Variants in ANKFN1 observed in about 807,000 individuals in gnomAD.
The protein encoded by ANKFN1 is ankyrin repeat and fibronectin type-III domain-containing protein 1.
Under a neutral mutation model 108.7 loss-of-function variants are expected in ANKFN1, and 74 were observed. The ratio of observed to expected loss-of-function variants is 0.68; its 90% CI spans 0.56 to 0.83. The LOEUF is 0.83. Among genes scored for constraint, ANKFN1 ranks in the 40% least tolerant of loss-of-function variants. The pLI is 0.00. For missense variants in ANKFN1, 1,505 were observed against 1,382.3 expected, an observed-to-expected ratio of 1.09 and a Z score of -1.41; for synonymous variants, 547 against 516.2, an observed-to-expected ratio of 1.06 and a Z score of -0.81.
At chr17:56,201,437 A>G (rs965104210) in intron 1 of ANKFN1, among the ~76,000 whole-genome samples, 1 of 152,232 alleles carries the variant, frequency 6.6e-6, no homozygotes, top group Non-Finnish European at 1.5e-5. Flanking sequence ...TTATCATTGT[A>G]TATCCATGCT....
At chr17:56,130,336 G>A (rs2143340786) in intron 4 of ANKFN1, among the ~76,000 whole-genome samples, 1 of 152,210 alleles carries the variant, frequency 6.6e-6, no homozygotes, top group Non-Finnish European at 1.5e-5. Flanking sequence ...CTCCACCACG[G>A]CTAATGTGTC....
rs56321173 is a variant in ANKFN1, at chr17:56,288,931, G to T, written c.54-37290G>T. Among the ~76,000 whole-genome samples the T allele has an allele frequency of 2.6e-5, 4 of 152,290 alleles. No individual in the cohort carries two copies. The East Asian group carries it at 7.7e-4, about 29-fold the overall frequency. The stretch of plus-strand genomic sequence containing the variant: ...CCATGAATTTAATTATCATCCACGG[G>T]TTAGCAAGACACACATTCTTGTCTC... On this transcript the variant is annotated intron_variant, in intron 3 of 20. Coordinates refer to ENST00000682825, the MANE Select transcript of ANKFN1 (RefSeq NM_001370326.1).
chr17:56,053,749 G>A (rs539630565), intron 4 of ANKFN1, among the ~76,000 whole-genome samples: 3 of 152,180 alleles, frequency 2.0e-5, no homozygotes, highest in East Asian at 1.9e-4. Flanking sequence ...CACAGTGATC[G>A]TACTCATTTA....
intron 3 of ANKFN1, among the ~76,000 whole-genome samples, chr17:56,262,122 T>C (rs548683373): frequency 6.6e-6 from 1 of 152,274 alleles, no homozygotes; most frequent in African/African-American, 2.4e-5. Context: ...CTTTCCCAAA[T>C]ACTAGGCAGG....
chr17:56,408,456 G>A (rs1055971573), intron 8 of ANKFN1, among the ~76,000 whole-genome samples: 1 of 152,030 alleles, frequency 6.6e-6, no homozygotes, highest in Non-Finnish European at 1.5e-5. Context: ...TTAGGATATA[G>A]ACACCTGTGA....
chr17:56,179,717 T>C (rs557676218), intron 1 of ANKFN1, among the ~76,000 whole-genome samples: 82 of 152,328 alleles, frequency 5.4e-4, no homozygotes, highest in African/African-American at 1.9e-3. Context: ...GGTTGCTTCA[T>C]CTGTAAAACT....
intron 15 of ANKFN1, among the ~76,000 whole-genome samples, chr17:56,475,782 T>G (rs2050477768): frequency 6.6e-6 from 1 of 152,194 alleles, no homozygotes; most frequent in Non-Finnish European, 1.5e-5. Flanking sequence ...CTCTCTTAGT[T>G]GTTTAACCCT....
At chr17:56,440,142 G>A (rs1442886119) in intron 8 of ANKFN1, among the ~76,000 whole-genome samples, 185 bp from the exon 9 acceptor site, 1 of 152,084 alleles carries the variant, frequency 6.6e-6, no homozygotes, top group African/African-American at 2.4e-5. Flanking sequence ...TAAAAAAAAT[G>A]TGAACTTGGA....
At chr17:56,470,510 T>C (rs2050278407) in intron 15 of ANKFN1, among the ~76,000 whole-genome samples, 1 of 152,192 alleles carries the variant, frequency 6.6e-6, no homozygotes, top group South Asian at 2.1e-4. Context: ...TTTTAAGCAA[T>C]GCTAGGCTGC....
intron 4 of ANKFN1, among the ~76,000 whole-genome samples, chr17:56,118,992 G>C (rs1906440108): frequency 1.3e-5 from 2 of 152,140 alleles, no homozygotes; most frequent in South Asian, 4.1e-4. Flanking sequence ...TTCTTAAGGA[G>C]CATGGAGGTT....
At chr17:56,471,221 C>T (rs1304174969) in intron 15 of ANKFN1, 2 of 152,676 alleles carry the variant, frequency 1.3e-5, no homozygotes, top group Non-Finnish European at 2.9e-5. Flanking sequence ...TGATGGCCTT[C>T]CCATTTCACC....
chr17:56,046,470 G>A (rs909500964), intron 4 of ANKFN1: 1 of 152,228 alleles, frequency 6.6e-6, no homozygotes, highest in Non-Finnish European at 1.5e-5. Flanking sequence ...TCCAAAGGAG[G>A]TACAGGAGTG....
intron 8 of ANKFN1, among the ~76,000 whole-genome samples, chr17:56,435,400 A>T (rs557456614): frequency 6.6e-6 from 1 of 152,362 alleles, no homozygotes; most frequent in South Asian, 2.1e-4. Flanking sequence ...AATGTGTGAG[A>T]CATATTAAAA....
Position 56,262,872 on chromosome 17 carries a change from G to A in ANKFN1, c.53+34915G>A, listed in dbSNP as rs752539618. On this transcript the variant is annotated intron_variant, in intron 3 of 20. Coordinates refer to ENST00000682825, the MANE Select transcript of ANKFN1 (RefSeq NM_001370326.1). ...GAGCCACAAAAGGAGTAACAACTAC[G>A]GAAGAAAGAAGACTTTTCCCCCCTT... Among the ~76,000 whole-genome samples, 10 of 152,202 alleles carry A rather than the reference G, an allele frequency of 6.6e-5. No homozygotes were observed. In the South Asian group the frequency reaches 1.2e-3, roughly 19 times the overall value.
rs1368923881 is a variant in ANKFN1 at position 56,511,428 on chromosome 17, G to C, written c.*159G>C. 2.3e-6 allele frequency: 2 copies of C among 871,762 alleles called. No homozygotes were observed. The highest frequency in any genetic ancestry group is 3.4e-6 in the Non-Finnish European group (2 of 589,948). The allele number at this position is 871,762 out of a possible 1,614,324, so 54.0% of individuals were successfully genotyped here. A position where few individuals can be genotyped will look rare whatever the true frequency, so the allele number is the denominator to read the frequency against. On this transcript the variant is annotated 3_prime_UTR_variant, in exon 21 of 21. Coordinates refer to ENST00000682825, the MANE Select transcript of ANKFN1 (RefSeq NM_001370326.1). The stretch of plus-strand genomic sequence containing the variant: ...TTCAAGGTCCTCTTTTTTTGGAACA[G>C]AGTGGTGGGTGGAGGCCAGAGTTGC...
chr17:56,254,440 A>G (rs1017516331), intron 3 of ANKFN1, among the ~76,000 whole-genome samples: 15 of 152,146 alleles, frequency 9.9e-5, no homozygotes, highest in Admixed American at 3.9e-4. Context: ...AAGGGTGGTT[A>G]GTTGTACTTA....
chr17:56,089,658 G>T (rs146614672), intron 4 of ANKFN1, among the ~76,000 whole-genome samples: 1 of 151,108 alleles, frequency 6.6e-6, no homozygotes, highest in Non-Finnish European at 1.5e-5. Flanking sequence ...TGTATTTTGC[G>T]TGGCTGCCAG....
intron 11 of ANKFN1, among the ~76,000 whole-genome samples, chr17:56,453,568 C>A (rs1451964291): frequency 6.6e-6 from 1 of 152,156 alleles, no homozygotes; most frequent in African/African-American, 2.4e-5. Context: ...CAGTGTACAA[C>A]TGTCACCCTT....
chr17:56,448,674 C>T (rs2049377189), intron 10 of ANKFN1, among the ~76,000 whole-genome samples: 1 of 152,088 alleles, frequency 6.6e-6, no homozygotes, highest in African/African-American at 2.4e-5. Context: ...CTGCACATTC[C>T]CACCCCTTTC....
Sources: gnomAD v4.1 joint callset for allele counts (sites outside exome capture counted in the v4.1 genomes callset) on GRCh38, gnomAD v4.1.1 for gene constraint, MANE v1.5 for transcripts, NCBI Gene and HGNC (gene_info 2026-07-23, HGNC 2026-07-21) for gene names.